CDH12: variants seen among roughly 807,000 people sequenced by gnomAD.
The protein encoded by CDH12 is cadherin 12.
In CDH12, 41 loss-of-function variants were observed where a neutral mutation model predicts 74.1. That is an observed-to-expected ratio of 0.55 (90% CI 0.43 to 0.72). The LOEUF (loss-of-function observed/expected upper bound fraction) is 0.72. CDH12 is among the 30% of genes least tolerant of loss of function. The pLI is 0.00. For synonymous variants in CDH12, 399 were observed against 355.0 expected, an observed-to-expected ratio of 1.12 and a Z score of -1.39; for missense variants, 945 against 977.2, an observed-to-expected ratio of 0.97 and a Z score of 0.44.
chr5:22,361,235 C>T, intron 3 of CDH12, among the ~76,000 whole-genome samples: 1 of 152,154 alleles, frequency 6.6e-6, no homozygotes, highest in South Asian at 2.1e-4. Context: ...AGCAAAGTCT[C>T]AGGATACAAA....
At chr5:22,715,629 C>T (rs76023807) in intron 1 of CDH12, among the ~76,000 whole-genome samples, 4,176 of 151,330 alleles carry the variant, frequency 0.028, 211 homozygotes, top group African/African-American at 0.096. Flanking sequence ...ATGGTGATCC[C>T]GTCTCTATTA....
chr5:22,803,976 T>C (rs1207342305), intron 1 of CDH12, among the ~76,000 whole-genome samples: 2 of 150,740 alleles, frequency 1.3e-5, no homozygotes, highest in East Asian at 3.9e-4. Context: ...TCTATGTTTT[T>C]ACAAAAAAAA....
intron 4 of CDH12, among the ~76,000 whole-genome samples, chr5:22,137,589 C>T (rs1746534997): frequency 6.6e-6 from 1 of 152,076 alleles, no homozygotes; most frequent in East Asian, 1.9e-4. Flanking sequence ...AAGATCCTCT[C>T]GATCCATCCC....
chr5:22,755,365 A>C (rs2119887), intron 1 of CDH12, among the ~76,000 whole-genome samples: 127,593 of 152,038 alleles, frequency 0.84, 53,605 homozygotes, highest in Non-Finnish European at 0.86. Context: ...GGGTCACATG[A>C]ACTTGTCAGT....
intron 6 of CDH12, among the ~76,000 whole-genome samples, chr5:21,877,436 T>C (rs983480407): frequency 6.6e-6 from 1 of 152,176 alleles, no homozygotes; most frequent in Non-Finnish European, 1.5e-5. Context: ...ATTTATGGAA[T>C]CTCAGAACCT....
intron 6 of CDH12, among the ~76,000 whole-genome samples, chr5:21,968,637 G>A (rs1230449130): frequency 2.6e-5 from 4 of 152,114 alleles, no homozygotes; most frequent in Admixed American, 2.6e-4. Flanking sequence ...CTTTTAGTCT[G>A]TGCATTTTCC....
intron 4 of CDH12, among the ~76,000 whole-genome samples, chr5:22,144,469 T>G (rs962339789): frequency 6.6e-6 from 1 of 152,196 alleles, no homozygotes; most frequent in African/African-American, 2.4e-5. Context: ...TAAAGACACA[T>G]AGATTTGAAC....
At chr5:22,752,545 CTTTTTTT>C (rs1159388186) in intron 1 of CDH12, among the ~76,000 whole-genome samples, 11 of 65,746 alleles carry the variant, frequency 1.7e-4, no homozygotes, top group African/African-American at 5.8e-4. Context: ...TAGGATACTT[CTTTTTTT>C]TTTTTTTTTT....
chr5:22,381,776 C>T (rs1741768464), intron 3 of CDH12, among the ~76,000 whole-genome samples: 1 of 150,860 alleles, frequency 6.6e-6, no homozygotes, highest in East Asian at 2.0e-4. Flanking sequence ...AAAACTTATC[C>T]TTAAATATAT....
intron 1 of CDH12, among the ~76,000 whole-genome samples, chr5:22,566,363 G>T (rs1739282231): frequency 6.6e-6 from 1 of 151,484 alleles, no homozygotes; most frequent in Admixed American, 6.6e-5. Context: ...TCAGCCTCCT[G>T]AGTAGCTGGG....
chr5:22,113,632 C>T (rs1744935510), intron 4 of CDH12, among the ~76,000 whole-genome samples: 1 of 152,130 alleles, frequency 6.6e-6, no homozygotes, highest in Admixed American at 6.6e-5. Flanking sequence ...GCGCCCCAAC[C>T]ACCTTGGGCA....
chr5:22,290,072 A>G (rs765288753), intron 3 of CDH12, among the ~76,000 whole-genome samples: 14 of 152,124 alleles, frequency 9.2e-5, no homozygotes, highest in Non-Finnish European at 1.0e-4. Context: ...GGGCTTTTGA[A>G]AACACCATGC....
At chr5:22,458,427 A>G (rs577474273) in intron 2 of CDH12, among the ~76,000 whole-genome samples, 11 of 152,336 alleles carry the variant, frequency 7.2e-5, no homozygotes, top group Admixed American at 6.5e-4. Flanking sequence ...CATAGGTACC[A>G]GAGCTTCGGA....
At chr5:22,426,741 C>T (rs923284549) in intron 2 of CDH12, among the ~76,000 whole-genome samples, 2 of 152,108 alleles carry the variant, frequency 1.3e-5, no homozygotes, top group African/African-American at 4.8e-5. Context: ...ACTTTTTTCT[C>T]ACATTGTAGT....
At chr5:22,498,903 T>TA (rs1747219657) in intron 2 of CDH12, among the ~76,000 whole-genome samples, 1 of 1,826 alleles carries the variant, frequency 5.5e-4, no homozygotes, top group South Asian at 6.4e-3. Flanking sequence ...TTCTGTTTCT[T>TA]TTTTTTTTTT....
intron 3 of CDH12, among the ~76,000 whole-genome samples, chr5:22,232,835 TC>T (rs34755788): frequency 2.0e-5 from 3 of 148,548 alleles, no homozygotes; most frequent in East Asian, 3.9e-4. Context: ...TAAAGTTTTC[TC>T]CTGTTCTCAT....
chr5:22,386,944 T>TA (rs1742025345), intron 3 of CDH12, among the ~76,000 whole-genome samples: 1 of 152,000 alleles, frequency 6.6e-6, no homozygotes, highest in Non-Finnish European at 1.5e-5. Context: ...AATATACACA[T>TA]ATTATTTCAA....
rs183661243 is a variant in CDH12 at position 22,354,343 on chromosome 5, G to A, written c.-333+50914C>T. ...CCCCTGACAAAACCACCCCCAACCCGCAACCATCAACCATCGCCATCACCA... is the reference window on the plus strand; with the variant it reads ...CCCCTGACAAAACCACCCCCAACCCACAACCATCAACCATCGCCATCACCA... On this transcript the variant is annotated intron_variant, in intron 3 of 14. Coordinates refer to ENST00000382254, the MANE Select transcript of CDH12 (RefSeq NM_004061.5). 7.2e-5 allele frequency among the ~76,000 whole-genome samples: 11 copies of A among 152,202 alleles called. No homozygotes were observed. In the East Asian group the frequency reaches 7.7e-4, roughly 11 times the overall value.
At chr5:22,562,328 C>CAAA (rs5866573) in intron 1 of CDH12, among the ~76,000 whole-genome samples, 22,308 of 150,460 alleles carry the variant, frequency 0.15, 2,245 homozygotes, top group East Asian at 0.36. Flanking sequence ...AAAACAAAAA[C>CAAA]AAAAAACAAA....
Sources: gnomAD v4.1 joint callset for allele counts (sites outside exome capture counted in the v4.1 genomes callset) on GRCh38, gnomAD v4.1.1 for gene constraint, MANE v1.5 for transcripts, NCBI Gene and HGNC (gene_info 2026-07-23, HGNC 2026-07-21) for gene names.